TLN2: variants seen among roughly 807,000 people sequenced by gnomAD.
The protein encoded by TLN2 is talin 2.
Under a neutral mutation model 294.7 loss-of-function variants are expected in TLN2, and 118 were observed. The ratio of observed to expected loss-of-function variants is 0.40; its 90% confidence interval spans 0.34 to 0.47. The LOEUF (loss-of-function observed/expected upper bound fraction) is 0.47. Ranked by LOEUF, TLN2 falls within the 20% of genes least tolerant of loss-of-function variation. The probability of loss-of-function intolerance (pLI) is 0.84; values close to 1 mark genes in which losing one functional copy is unlikely to be tolerated. For synonymous variants in TLN2, 1,431 were observed against 1,304.5 expected, an observed-to-expected ratio of 1.10 and a Z score of -2.09; for missense variants, 3,083 against 3,282.2, an observed-to-expected ratio of 0.94 and a Z score of 1.48.
intron 1 of TLN2, among the ~76,000 whole-genome samples, chr15:62,481,652 C>T (rs1412814628): frequency 1.3e-5 from 2 of 152,116 alleles, no homozygotes; most frequent in African/African-American, 4.8e-5. Context: ...TGAGCCTCTA[C>T]ACCCAGCCAA....
Position 62,776,898 on chromosome 15 carries a change from A to G in TLN2, c.5502A>G (p.Glu1834=). Reference sequence around the variant, plus strand: ...GGGGCATGGTGGACGCCATTGCAGAAGCCATGAGCAAGGTGGGCATGGGCT... The same window carrying G: ...GGGGCATGGTGGACGCCATTGCAGAGGCCATGAGCAAGGTGGGCATGGGCT... ...LVGGMVDAIA[E]AMSKLDEGTP... The change falls in exon 43 of 59, where the codon GAA becomes GAG. Residue 1834 remains glutamate, a synonymous_variant. Transcript: ENST00000636159. 6.3e-7 allele frequency: 1 copy of G among 1,576,192 alleles called. No homozygotes were observed. Among genetic ancestry groups the G allele is most frequent in the Non-Finnish European group, 8.6e-7 (1 of 1,159,958 alleles).
chr15:62,700,471 TAGA>T (rs551282931), intron 16 of TLN2, among the ~76,000 whole-genome samples: 3 of 152,150 alleles, frequency 2.0e-5, no homozygotes, highest in African/African-American at 7.2e-5. Flanking sequence ...ATTTCCATGG[TAGA>T]AGAAGTATAA....
intron 3 of TLN2, among the ~76,000 whole-genome samples, chr15:62,642,682 G>A (rs562148283): frequency 1.4e-5 from 2 of 143,198 alleles, no homozygotes; most frequent in African/African-American, 2.9e-5. Flanking sequence ...TGTTGTTTTT[G>A]TTTGTTTGTT....
chr15:62,771,392 T>C (rs1386325771), intron 42 of TLN2, among the ~76,000 whole-genome samples: 1 of 152,238 alleles, frequency 6.6e-6, no homozygotes, highest in Non-Finnish European at 1.5e-5. Flanking sequence ...TATGGTGCGA[T>C]GATTACAGGA....
intron 8 of TLN2, among the ~76,000 whole-genome samples, chr15:62,657,166 C>A (rs1482666516): frequency 1.4e-5 from 2 of 145,988 alleles, no homozygotes; most frequent in African/African-American, 5.0e-5. Context: ...GGGGGGGAAG[C>A]AACAGCAGTG....
At chr15:62,837,246 G>A (rs1408523161) in intron 57 of TLN2, among the ~76,000 whole-genome samples, 1 of 152,118 alleles carries the variant, frequency 6.6e-6, no homozygotes, top group Non-Finnish European at 1.5e-5. Flanking sequence ...TTTGATACCT[G>A]GGATAAACCC....
chr15:62,708,391 G>T, intron 20 of TLN2, 111 bp from the exon 21 acceptor site: 3 of 1,129,836 alleles, frequency 2.7e-6, no homozygotes, highest in South Asian at 1.4e-5. Context: ...GGTCCTGTAA[G>T]TAAGAAACCG....
intron 1 of TLN2, among the ~76,000 whole-genome samples, chr15:62,393,313 C>A (rs993560066): frequency 6.6e-5 from 10 of 152,130 alleles, no homozygotes; most frequent in African/African-American, 2.4e-4. Flanking sequence ...AACAACTTGA[C>A]CCTGTTGAAT....
intron 2 of TLN2, among the ~76,000 whole-genome samples, chr15:62,593,802 A>G (rs1431297675): frequency 6.6e-6 from 1 of 152,244 alleles, no homozygotes. Flanking sequence ...GAGTGTAAAC[A>G]TGACTTTACC....
intron 3 of TLN2, among the ~76,000 whole-genome samples, chr15:62,641,782 A>G (rs1041303957): frequency 6.6e-6 from 1 of 152,210 alleles, no homozygotes; most frequent in Non-Finnish European, 1.5e-5. Context: ...TTAAGTGACC[A>G]GCTCAAGTCA....
At chr15:62,517,132 G>A (rs769886502) in intron 1 of TLN2, among the ~76,000 whole-genome samples, 6 of 152,214 alleles carry the variant, frequency 3.9e-5, no homozygotes, top group Non-Finnish European at 7.3e-5. Context: ...GCGAGAGGTT[G>A]CTGCTAATTC....
intron 19 of TLN2, among the ~76,000 whole-genome samples, chr15:62,703,633 A>G (rs922244071): frequency 9.3e-4 from 131 of 140,810 alleles, no homozygotes; most frequent in African/African-American, 3.4e-3. Context: ...GCGCGCACAC[A>G]CACACACACA....
chr15:62,730,496 C>T (rs1306891658), intron 28 of TLN2, among the ~76,000 whole-genome samples: 1 of 152,186 alleles, frequency 6.6e-6, no homozygotes, highest in East Asian at 1.9e-4. Context: ...GATCATTTCT[C>T]TTCTACCTGA....
At chr15:62,540,230 C>G (rs1221614403) in intron 1 of TLN2, among the ~76,000 whole-genome samples, 1 of 152,070 alleles carries the variant, frequency 6.6e-6, no homozygotes, top group Non-Finnish European at 1.5e-5. Context: ...ATCCCAGCTA[C>G]TTGGGAGGCT....
chr15:62,818,672 G>A (rs1012836253), intron 52 of TLN2, among the ~76,000 whole-genome samples: 3 of 152,170 alleles, frequency 2.0e-5, no homozygotes, highest in Admixed American at 6.5e-5. Context: ...TCTGGAAATG[G>A]ATTGTTTTCT....
At chr15:62,680,328 C>T (rs2056705078) in intron 11 of TLN2, among the ~76,000 whole-genome samples, 1 of 152,108 alleles carries the variant, frequency 6.6e-6, no homozygotes, top group African/African-American at 2.4e-5. Context: ...TCCTTGATTG[C>T]TTTCAACATT....
chr15:62,797,535 G>A (rs1175903557), intron 48 of TLN2, 133 bp downstream of exon 48: 1 of 1,079,590 alleles, frequency 9.3e-7, no homozygotes, highest in African/African-American at 1.6e-5. Context: ...TCTGGTTTGA[G>A]GAACCGGTAG....
chr15:62,555,673 C>T (rs2042563745), intron 1 of TLN2, among the ~76,000 whole-genome samples: 1 of 152,178 alleles, frequency 6.6e-6, no homozygotes, highest in Admixed American at 6.5e-5. Flanking sequence ...TGTATGATAG[C>T]AGTAGAGCTG....
At chr15:62,808,285 A>G (rs2066432023) in intron 51 of TLN2, among the ~76,000 whole-genome samples, 1 of 152,222 alleles carries the variant, frequency 6.6e-6, no homozygotes, top group African/African-American at 2.4e-5. Context: ...TTAATGTTAT[A>G]AAGCTATTTC....
Sources: allele counts gnomAD v4.1 joint callset (sites outside exome capture counted in the v4.1 genomes callset), GRCh38; gene constraint gnomAD v4.1.1; transcripts MANE v1.5; gene names NCBI Gene and HGNC (gene_info 2026-07-23, HGNC 2026-07-21).